The following CTIF variants were observed in gnomAD, a reference collection of about 807,000 sequenced individuals.
CTIF encodes CBP80/20-dependent translation initiation factor.
CTIF carries 21 observed loss-of-function variants against 66.0 expected under a neutral mutation model. The observed-to-expected ratio is 0.32, with a 90% CI of 0.23 to 0.46. The LOEUF is 0.46. Ranked by LOEUF, CTIF falls within the 20% of genes least tolerant of loss-of-function variation. CTIF has a pLI of 1.00. For missense variants in CTIF, 739 were observed against 812.7 expected, an observed-to-expected ratio of 0.91 and a Z score of 1.10; for synonymous variants, 345 against 326.4, an observed-to-expected ratio of 1.06 and a Z score of -0.62.
intron 7 of CTIF, among the ~76,000 whole-genome samples, chr18:48,730,681 T>C (rs533940060): frequency 2.1e-5 from 3 of 142,510 alleles, no homozygotes; most frequent in Admixed American, 2.1e-4. Flanking sequence ...GCTTCTGCGG[T>C]GTGAGGAGCC....
chr18:48,682,139 T>C (rs1243234957), intron 6 of CTIF, among the ~76,000 whole-genome samples: 1 of 152,144 alleles, frequency 6.6e-6, no homozygotes, highest in African/African-American at 2.4e-5. Context: ...TGTGAAGCCC[T>C]CCCTGATAAG....
intron 1 of CTIF, among the ~76,000 whole-genome samples, chr18:48,564,226 TG>T (rs1290896780): frequency 6.6e-6 from 1 of 152,132 alleles, no homozygotes; most frequent in Non-Finnish European, 1.5e-5. Context: ...CAGAGAAAAG[TG>T]GTTTTGTGGC....
At position 48,732,009 on chromosome 18, in the gene CTIF, A is replaced by G. The variant is rs140835702; in HGVS notation, c.584+20314A>G. ...ACCAGATAGCGGCTCCATTCGGCCCACAGGCCACCATTGGCCAATTCTTGT... is the reference window on the plus strand; with the variant it reads ...ACCAGATAGCGGCTCCATTCGGCCCGCAGGCCACCATTGGCCAATTCTTGT... On this transcript the variant is annotated intron_variant, in intron 7 of 11. Transcript: ENST00000256413. 8.4e-3 allele frequency among the ~76,000 whole-genome samples: 1,284 copies of G among 152,394 alleles called. 22 individuals carry two copies. The highest frequency in any genetic ancestry group is 0.029 in the African/African-American group (1,187 of 41,600).
chr18:48,606,514 A>G (rs1278798284), intron 1 of CTIF, among the ~76,000 whole-genome samples: 1 of 152,236 alleles, frequency 6.6e-6, no homozygotes, highest in Non-Finnish European at 1.5e-5. Flanking sequence ...CTCCAGGGGC[A>G]TGAGGCCCAG....
At chr18:48,807,811 G>A (rs2068181478) in intron 9 of CTIF, among the ~76,000 whole-genome samples, 1 of 151,960 alleles carries the variant, frequency 6.6e-6, no homozygotes, top group East Asian at 1.9e-4. Context: ...TGAGCTCCTG[G>A]CCTCAGATGA....
chr18:48,566,335 C>T (rs1437917444), intron 1 of CTIF: 1 of 152,280 alleles, frequency 6.6e-6, no homozygotes, highest in Admixed American at 6.5e-5. Context: ...AGGGCAGGCC[C>T]TGCCCTCATG....
chr18:48,579,776 CA>C (rs2089613556), intron 1 of CTIF, among the ~76,000 whole-genome samples: 1 of 152,170 alleles, frequency 6.6e-6, no homozygotes. Flanking sequence ...TCATCTGCTT[CA>C]GGGAAAGGGA....
chr18:48,576,949 C>T (rs1422022394), intron 1 of CTIF, among the ~76,000 whole-genome samples: 1 of 152,188 alleles, frequency 6.6e-6, no homozygotes, highest in East Asian at 1.9e-4. Context: ...GGAATATGTC[C>T]TATGAGAGCA....
At chr18:48,604,370 G>C (rs1051741887) in intron 1 of CTIF, among the ~76,000 whole-genome samples, 2 of 149,212 alleles carry the variant, frequency 1.3e-5, no homozygotes, top group Non-Finnish European at 3.0e-5. Context: ...AGTAGAGACG[G>C]GGTTTCACAG....
chr18:48,684,775 C>T (rs1478594955), intron 6 of CTIF, among the ~76,000 whole-genome samples: 1 of 152,140 alleles, frequency 6.6e-6, no homozygotes, highest in African/African-American at 2.4e-5. Flanking sequence ...ATCATTCTCC[C>T]TATGTAATTT....
At chr18:48,573,006 A>G (rs2089450207) in intron 1 of CTIF, among the ~76,000 whole-genome samples, 1 of 151,878 alleles carries the variant, frequency 6.6e-6, no homozygotes, top group Non-Finnish European at 1.5e-5. Context: ...AAAACAAGCA[A>G]AAAGAAGGGC....
chr18:48,837,265 G>A, intron 10 of CTIF, among the ~76,000 whole-genome samples: 1 of 152,178 alleles, frequency 6.6e-6, no homozygotes, highest in East Asian at 1.9e-4. Context: ...CTAGAGCAAG[G>A]GAGCACTGGT....
intron 6 of CTIF, among the ~76,000 whole-genome samples, chr18:48,679,194 TG>T (rs1430135738): frequency 1.3e-5 from 2 of 152,208 alleles, no homozygotes; most frequent in Non-Finnish European, 2.9e-5. Flanking sequence ...CACAGAACAT[TG>T]TGTAATTCAC....
intron 10 of CTIF, among the ~76,000 whole-genome samples, chr18:48,838,384 G>A (rs552483061): frequency 3.3e-5 from 5 of 152,066 alleles, no homozygotes; most frequent in Admixed American, 6.5e-5. Flanking sequence ...GGCTGCCCAC[G>A]CCTCACGTGA....
At chr18:48,826,747 T>C (rs1346963438) in intron 10 of CTIF, 1 of 152,232 alleles carries the variant, frequency 6.6e-6, no homozygotes, top group African/African-American at 2.4e-5. Flanking sequence ...CAAGCAATGA[T>C]TTAGTTTGAG....
chr18:48,582,624 G>A (rs1289907723), intron 1 of CTIF, among the ~76,000 whole-genome samples: 2 of 152,144 alleles, frequency 1.3e-5, no homozygotes, highest in African/African-American at 4.8e-5. Context: ...GACCTTCCTG[G>A]CTTCCCTGCT....
Position 48,670,748 on chromosome 18 carries a change from G to A in CTIF, c.507+4G>A, listed in dbSNP as rs769289443. 6.2e-7 allele frequency: 1 copy of A among 1,613,572 alleles called. No homozygotes were observed. The highest frequency in any genetic ancestry group is 2.2e-5 in the East Asian group (1 of 44,878). ...GAAGGTCCTTCCAGCCTGGCAGGTA[G>A]GTGCAGGGGCAGGCTCTCTAACAGC... On this transcript the variant is annotated splice_donor_region_variant and intron_variant, in intron 6 of 11. Coordinates refer to ENST00000256413, the MANE Select transcript of CTIF (RefSeq NM_014772.3).
intron 2 of CTIF, among the ~76,000 whole-genome samples, chr18:48,622,893 G>C (rs1465962149): frequency 6.6e-6 from 1 of 152,184 alleles, no homozygotes; most frequent in African/African-American, 2.4e-5. Context: ...GCCTGCAGCA[G>C]GGCATCCTCC....
chr18:48,647,871 G>A (rs1490914370), intron 3 of CTIF, among the ~76,000 whole-genome samples: 1 of 152,146 alleles, frequency 6.6e-6, no homozygotes, highest in East Asian at 1.9e-4. Flanking sequence ...TCTGAGTCTG[G>A]TACTGGCAGA....
Sources: gnomAD v4.1 joint callset for allele counts (sites outside exome capture counted in the v4.1 genomes callset) on GRCh38, gnomAD v4.1.1 for gene constraint, MANE v1.5 for transcripts, NCBI Gene and HGNC (gene_info 2026-07-23, HGNC 2026-07-21) for gene names.